Variants in CDK6 observed in about 807,000 individuals in gnomAD.
CDK6 encodes the protein cyclin dependent kinase 6.
A neutral mutation model predicts 37.1 loss-of-function variants in CDK6; 6 were observed. The observed-to-expected ratio is 0.16, with a 90% confidence interval of 0.09 to 0.32. The LOEUF is 0.32. CDK6 is among the 10% of genes least tolerant of loss of function. CDK6 has a pLI of 1.00. For synonymous variants in CDK6, 160 were observed against 161.3 expected (o/e 0.99, Z 0.06); for missense variants, 224 against 418.9 (o/e 0.53, Z 4.06).
chr7:92,668,978 C>T (rs1480675280), intron 5 of CDK6, among the ~76,000 whole-genome samples: 1 of 152,208 alleles, frequency 6.6e-6, no homozygotes, highest in Non-Finnish European at 1.5e-5. Context: ...AGAAAGGGTA[C>T]TTTCTTATGT....
chr7:92,834,034 A>G lies in CDK6; in HGVS notation c.-367-344T>C, dbSNP rs887852163. The stretch of plus-strand genomic sequence containing the variant: ...GGGAGGGGAGGCGCCGGGCACGTCA[A>G]TGTCACGGCTTAATATTTATCCCTA... On this transcript the variant is annotated intron_variant, in intron 1 of 7. Transcript: ENST00000424848. This position sits in a 1 kb window ranked among gnomAD's most constrained non-coding sequence, Gnocchi z 4.6. 1 of 395,818 alleles carries G rather than the reference A, an allele frequency of 2.5e-6. No homozygotes were observed. Among genetic ancestry groups the G allele is most frequent in the East Asian group, 3.6e-5 (1 of 27,862 alleles). The allele number at this position is 395,818 out of a possible 1,614,324, so 24.5% of individuals were successfully genotyped here.
chr7:92,772,176 AG>A (rs1267701557), intron 3 of CDK6, among the ~76,000 whole-genome samples: 2 of 152,216 alleles, frequency 1.3e-5, no homozygotes, highest in African/African-American at 2.4e-5. Context: ...TTAATAAGGA[AG>A]GAAAGTAGGT....
chr7:92,747,710 G>C (rs952774146), intron 3 of CDK6, among the ~76,000 whole-genome samples: 1 of 152,102 alleles, frequency 6.6e-6, no homozygotes, highest in Non-Finnish European at 1.5e-5. Flanking sequence ...GTAACACACT[G>C]TATTCGTCAT....
At position 92,725,913 on chromosome 7, in the gene CDK6, G is replaced by GGTATTGGCTGAATGAGT. The variant is rs1798501869; in HGVS notation, c.370-137_370-121dup. 5.1e-6 allele frequency: 4 copies of GGTATTGGCTGAATGAGT among 778,044 alleles called. No homozygotes were observed. The African/African-American group carries it at 5.3e-5, about 10-fold the overall frequency. 48.2% of individuals were successfully genotyped at this position (778,044 alleles called of 1,614,324 possible). ...CTTGGCATGCGGCAGGCATTTGACA[G>GGTATTGGCTGAATGAGT]GTATTGGCTGAATGAGTGAATTGTC... On this transcript the variant is annotated intron_variant, in intron 3 of 7. Transcript: ENST00000424848.
At chr7:92,704,522 T>C (rs1186738704) in intron 4 of CDK6, among the ~76,000 whole-genome samples, 1 of 152,190 alleles carries the variant, frequency 6.6e-6, no homozygotes, top group Non-Finnish European at 1.5e-5. Flanking sequence ...CCTTAAAAAA[T>C]GTTAATCTAT....
chr7:92,651,637 T>C (rs890413208), intron 5 of CDK6, among the ~76,000 whole-genome samples: 5 of 152,178 alleles, frequency 3.3e-5, no homozygotes, highest in Admixed American at 2.6e-4. Flanking sequence ...AAGTGGTAGC[T>C]GGAAGAAACC....
At chr7:92,663,628 G>C (rs1161166753) in intron 5 of CDK6, among the ~76,000 whole-genome samples, 1 of 151,622 alleles carries the variant, frequency 6.6e-6, no homozygotes, top group East Asian at 1.9e-4. Flanking sequence ...TTGAACCCAG[G>C]AGGCGGAGGT....
At chr7:92,744,356 A>T (rs1168622501) in intron 3 of CDK6, among the ~76,000 whole-genome samples, 1 of 152,206 alleles carries the variant, frequency 6.6e-6, no homozygotes, top group Non-Finnish European at 1.5e-5. Context: ...TTCCCCTTAT[A>T]AAATCATCAG....
intron 3 of CDK6, among the ~76,000 whole-genome samples, chr7:92,732,469 A>G (rs968901659): frequency 5.3e-5 from 8 of 152,206 alleles, no homozygotes; most frequent in African/African-American, 1.9e-4. Context: ...ATACTTTCTT[A>G]TCTTTCCACA....
chr7:92,760,066 C>T (rs1799416777), intron 3 of CDK6, among the ~76,000 whole-genome samples: 1 of 152,150 alleles, frequency 6.6e-6, no homozygotes, highest in Non-Finnish European at 1.5e-5. Flanking sequence ...GAGATTGTTA[C>T]AGAAATCCCT....
rs899684790 is a variant in CDK6, at chr7:92,607,780, T to A, written c.*7360A>T. 1.3e-5 allele frequency: 3 copies of A among 232,470 alleles called. No individual in the cohort carries two copies. In the South Asian group the frequency reaches 5.4e-4, roughly 42 times the overall value. The allele number at this position is 232,470 out of a possible 1,614,324, so 14.4% of individuals were successfully genotyped here. A position where few individuals can be genotyped will look rare whatever the true frequency, so the allele number is the denominator to read the frequency against. ...GGGGTAGCTGATGCTATAAATTCCA[T>A]GTACTAACTAATATATTTACTACAG... On this transcript the variant is annotated 3_prime_UTR_variant, in exon 8 of 8. Coordinates refer to ENST00000424848, the MANE Select transcript of CDK6 (RefSeq NM_001145306.2).
intron 4 of CDK6, among the ~76,000 whole-genome samples, chr7:92,694,426 T>C (rs184435452): frequency 2.6e-5 from 4 of 152,280 alleles, no homozygotes; most frequent in Admixed American, 2.0e-4. Flanking sequence ...AGTGATGCTG[T>C]TCACAGAAAC....
intron 2 of CDK6, among the ~76,000 whole-genome samples, chr7:92,817,447 T>C (rs930645913): frequency 4.6e-5 from 7 of 151,836 alleles, no homozygotes; most frequent in African/African-American, 1.7e-4. Flanking sequence ...CAAAATTCAG[T>C]ACCCAATCAT....
At chr7:92,638,681 T>C (rs1010214745) in intron 5 of CDK6, among the ~76,000 whole-genome samples, 5 of 152,202 alleles carry the variant, frequency 3.3e-5, no homozygotes, top group African/African-American at 1.2e-4. Flanking sequence ...GTTCCTTGAA[T>C]GCCTTGAAGG....
intron 4 of CDK6, among the ~76,000 whole-genome samples, chr7:92,691,081 T>G (rs1277624130): frequency 6.6e-6 from 1 of 152,254 alleles, no homozygotes; most frequent in Non-Finnish European, 1.5e-5. Context: ...TAATTACTTA[T>G]ACTTTCTGGC....
intron 7 of CDK6, among the ~76,000 whole-genome samples, chr7:92,617,339 C>T (rs1243617466): frequency 6.6e-6 from 1 of 152,176 alleles, no homozygotes; most frequent in Non-Finnish European, 1.5e-5. Context: ...GCCTCTCTGG[C>T]ATGGGCCCCA....
Position 92,710,308 on chromosome 7 carries a change from C to T in CDK6, c.537+15318G>A, listed in dbSNP as rs915320858. Among the ~76,000 whole-genome samples, 225 of 152,238 alleles carry T rather than the reference C, an allele frequency of 1.5e-3. 1 individual carries two copies. The highest frequency in any genetic ancestry group is 4.9e-3 in the African/African-American group (205 of 41,544). The stretch of plus-strand genomic sequence containing the variant: ...AGATTGTCTTCCCTGATTAAAGAGA[C>T]AATAAAACCCTTTTTGGCCCCTGCT... On this transcript the variant is annotated intron_variant, in intron 4 of 7. Coordinates refer to ENST00000424848, the MANE Select transcript of CDK6 (RefSeq NM_001145306.2).
At chr7:92,674,905 C>T (rs537306788) in intron 4 of CDK6, among the ~76,000 whole-genome samples, 1 of 152,336 alleles carries the variant, frequency 6.6e-6, no homozygotes, top group East Asian at 1.9e-4. Context: ...GATCTTGGCT[C>T]ACTGCAATGT....
chr7:92,778,130 C>G (rs1799896135), intron 2 of CDK6, among the ~76,000 whole-genome samples: 1 of 149,994 alleles, frequency 6.7e-6, no homozygotes. Context: ...AAACACTTAA[C>G]AAAAAAACCC....
Sources: gnomAD v4.1 joint callset for allele counts (sites outside exome capture counted in the v4.1 genomes callset) on GRCh38, gnomAD v4.1.1 for gene constraint, Gnocchi (gnomAD v3.1) non-coding constraint, MANE v1.5 for transcripts, NCBI Gene and HGNC (gene_info 2026-07-23, HGNC 2026-07-21) for gene names.